The following NAA35 variants were observed in gnomAD, a reference collection of about 807,000 sequenced individuals.
The protein encoded by NAA35 is N-alpha-acetyltransferase 35, NatC auxiliary subunit.
In NAA35, 18 loss-of-function variants were observed where a neutral mutation model predicts 101.7. The ratio of observed to expected loss-of-function variants is 0.18; its 90% CI spans 0.12 to 0.26. NAA35 has a LOEUF of 0.26. Among genes scored for constraint, NAA35 ranks in the 10% least tolerant of loss-of-function variants. The pLI is 1.00. For missense variants in NAA35, 601 were observed against 886.8 expected (o/e 0.68, Z 4.09); for synonymous variants, 267 against 273.1 (o/e 0.98, Z 0.22).
intron 2 of NAA35, among the ~76,000 whole-genome samples, chr9:85,952,173 A>AT (rs1242818567): frequency 1.3e-5 from 2 of 148,646 alleles, no homozygotes; most frequent in East Asian, 2.0e-4. Context: ...AGACTCATGT[A>AT]TTTTTTTTAA....
chr9:85,983,297 C>G (rs1403262474), intron 11 of NAA35, among the ~76,000 whole-genome samples: 1 of 152,210 alleles, frequency 6.6e-6, no homozygotes, highest in East Asian at 1.9e-4. Flanking sequence ...TAGCCAGGCA[C>G]ATGCTCTCCA....
At chr9:85,992,347 C>G (rs571577238) in intron 11 of NAA35, among the ~76,000 whole-genome samples, 1 of 152,148 alleles carries the variant, frequency 6.6e-6, no homozygotes, top group African/African-American at 2.4e-5. Flanking sequence ...AGCCATTATT[C>G]TACCCTGATA....
intron 2 of NAA35, among the ~76,000 whole-genome samples, chr9:85,948,239 T>C (rs1828851323): frequency 1.3e-5 from 2 of 152,214 alleles, no homozygotes; most frequent in Admixed American, 1.3e-4. Flanking sequence ...CCATTACTAC[T>C]TTTTCTTTCC....
At chr9:85,990,152 G>C (rs1003032425) in intron 11 of NAA35, among the ~76,000 whole-genome samples, 1 of 152,210 alleles carries the variant, frequency 6.6e-6, no homozygotes. Context: ...GAGAAGTTAA[G>C]CAGACATGTG....
intron 21 of NAA35, among the ~76,000 whole-genome samples, 170 bp from the exon 22 acceptor site, chr9:86,020,719 C>T (rs1214618516): frequency 6.6e-6 from 1 of 152,052 alleles, no homozygotes; most frequent in Non-Finnish European, 1.5e-5. Flanking sequence ...GGTGCACAGC[C>T]ATTTGGGAGG....
rs1830298696 is a variant in NAA35 at position 85,978,305 on chromosome 9, A to G, written c.801A>G (p.Gln267=). 6.2e-7 allele frequency: 1 copy of G among 1,613,364 alleles called. No individual in the cohort carries two copies. Among genetic ancestry groups the G allele is most frequent in the African/African-American group, 1.3e-5 (1 of 74,898 alleles). ...CAGAAGCTCAAAAATTGATGGTTCA[A>G]GCAGCAGATCTTCTTTCTGCCATTC... The part of the protein sequence containing the change: ...AVAEAQKLMV[Q]AADLLSAIHN... The change falls in exon 11 of 23, where the codon CAA becomes CAG. Residue 267 remains glutamine, a synonymous_variant. Coordinates refer to ENST00000361671, the MANE Select transcript of NAA35 (RefSeq NM_024635.4).
intron 2 of NAA35, among the ~76,000 whole-genome samples, chr9:85,948,991 G>A (rs991879181): frequency 2.0e-5 from 3 of 151,880 alleles, no homozygotes; most frequent in African/African-American, 4.8e-5. Flanking sequence ...TCATGACCTC[G>A]GGTGATCCAC....
chr9:85,984,933 A>G (rs11141170), intron 11 of NAA35, among the ~76,000 whole-genome samples: 6,208 of 152,248 alleles, frequency 0.041, 490 homozygotes, highest in East Asian at 0.36. Flanking sequence ...CTCTTAAAAC[A>G]TAGGCATTAA....
rs1001598326 is a variant in NAA35, at chr9:86,022,238, A to G, written c.*278A>G. On this transcript the variant is annotated 3_prime_UTR_variant, in exon 23 of 23. Transcript: ENST00000361671. Reference sequence around the variant, plus strand: ...CAGATTTAATCACAAATCATTTTTTATGAATGATTGAGTGAAAATAGTGTT... The same window carrying G: ...CAGATTTAATCACAAATCATTTTTTGTGAATGATTGAGTGAAAATAGTGTT... 17 of 272,770 alleles carry G rather than the reference A, an allele frequency of 6.2e-5. No individual in the cohort carries two copies. Among genetic ancestry groups the G allele is most frequent in the South Asian group, 1.0e-4 (1 of 9,722 alleles). The allele number at this position is 272,770 out of a possible 1,614,324, so 16.9% of individuals were successfully genotyped here. A position where few individuals can be genotyped will look rare whatever the true frequency, so the allele number is the denominator to read the frequency against.
At chr9:85,986,431 G>GT (rs1256512363) in intron 11 of NAA35, 19 of 470,008 alleles carry the variant, frequency 4.0e-5, no homozygotes, top group Non-Finnish European at 7.9e-5. Flanking sequence ...AGTGCTACTT[G>GT]TTTTTTGTTT....
chr9:85,950,786 A>G (rs898273318), intron 2 of NAA35, among the ~76,000 whole-genome samples: 15 of 152,148 alleles, frequency 9.9e-5, no homozygotes, highest in Admixed American at 3.9e-4. Flanking sequence ...TATGTATTAC[A>G]TATATATATG....
Position 85,985,804 on chromosome 9 carries a change from T to TG in NAA35, c.877+7429dup, listed in dbSNP as rs376961299. Among the ~76,000 whole-genome samples the TG allele has an allele frequency of 3.3e-5, 5 of 151,450 alleles. No homozygotes were observed. In the East Asian group the frequency reaches 5.8e-4, roughly 18 times the overall value. On this transcript the variant is annotated intron_variant, in intron 11 of 22. Coordinates refer to ENST00000361671, the MANE Select transcript of NAA35 (RefSeq NM_024635.4). ...AATCACTAGAGAAATGATTTCAGAC[T>TG]GGGGGGAAATGGTTTTTAATGTTGA...
At chr9:86,004,655 G>A (rs1831554885) in intron 13 of NAA35, among the ~76,000 whole-genome samples, 1 of 152,094 alleles carries the variant, frequency 6.6e-6, no homozygotes, top group South Asian at 2.1e-4. Flanking sequence ...TATTCATGAA[G>A]TCAATGAACC....
chr9:85,978,458 G>GT, intron 11 of NAA35, 77 bp downstream of exon 11: 1 of 949,604 alleles, frequency 1.1e-6, no homozygotes, highest in Non-Finnish European at 1.7e-6. Context: ...TTGTACTAAA[G>GT]TTTTTTCAAG....
chr9:85,963,197 TTATAC>T lies in NAA35; in HGVS notation c.516+1021_516+1025del, dbSNP rs1829594389. Among the ~76,000 whole-genome samples, 9 of 152,182 alleles carry T rather than the reference TTATAC, an allele frequency of 5.9e-5. No individual in the cohort carries two copies. The South Asian group carries it at 1.7e-3, about 28-fold the overall frequency. ...TATAATATGTAAAACTTTTCTCAAT[TTATAC>T]TATGTATGTGAGAATAATTAAATGT... On this transcript the variant is annotated intron_variant, in intron 6 of 22. Transcript: ENST00000361671.
intron 15 of NAA35, among the ~76,000 whole-genome samples, chr9:86,011,381 T>A (rs929504238): frequency 6.6e-6 from 1 of 151,828 alleles, no homozygotes; most frequent in African/African-American, 2.4e-5. Flanking sequence ...TTATTTATTT[T>A]AAGACAGTGT....
intron 6 of NAA35, among the ~76,000 whole-genome samples, chr9:85,969,931 C>T (rs151245281): frequency 6.6e-6 from 1 of 151,638 alleles, no homozygotes; most frequent in African/African-American, 2.4e-5. Flanking sequence ...CTGCTCTAGT[C>T]AGGCTTTACA....
chr9:86,000,315 G>A (rs1030355941), intron 12 of NAA35, among the ~76,000 whole-genome samples: 1 of 152,114 alleles, frequency 6.6e-6, no homozygotes, highest in African/African-American at 2.4e-5. Flanking sequence ...CTTTGTTGAG[G>A]ATTTTTGCAT....
In NAA35 at chr9:85,944,788, T is replaced by A. The variant is rs139993885; in HGVS notation, c.124+2505T>A. 3.1e-3 allele frequency among the ~76,000 whole-genome samples: 472 copies of A among 152,334 alleles called. 3 individuals are homozygous for A. In the Middle Eastern group the frequency reaches 0.041, roughly 13 times the overall value. The stretch of plus-strand genomic sequence containing the variant: ...TGTTTCATTTATGTTAAAGATCTTT[T>A]GCTTCCCACATCATCACATTAATTT... On this transcript the variant is annotated intron_variant, in intron 2 of 22. Transcript: ENST00000361671.
Sources: allele counts gnomAD v4.1 joint callset (sites outside exome capture counted in the v4.1 genomes callset), GRCh38; gene constraint gnomAD v4.1.1; transcripts MANE v1.5; gene names NCBI Gene and HGNC (gene_info 2026-07-23, HGNC 2026-07-21).